SRPK2: variants seen among roughly 807,000 people sequenced by gnomAD.
The protein encoded by SRPK2 is SFRS protein kinase 2.
SRPK2 carries 21 observed loss-of-function variants against 90.8 expected under a neutral mutation model. That is an observed-to-expected ratio of 0.23 (90% confidence interval 0.16 to 0.33). The LOEUF is 0.33. Among genes scored for constraint, SRPK2 ranks in the 10% least tolerant of loss-of-function variants. The pLI is 1.00. For synonymous variants in SRPK2, 288 were observed against 311.1 expected, an observed-to-expected ratio of 0.93 and a Z score of 0.78; for missense variants, 620 against 869.0, an observed-to-expected ratio of 0.71 and a Z score of 3.60.
At chr7:105,298,766 G>A in intron 2 of SRPK2, 2 of 985,548 alleles carry the variant, frequency 2.0e-6, no homozygotes, top group Non-Finnish European at 2.4e-6. Context: ...CAGAGGCACA[G>A]GGCCCACTCC....
At chr7:105,364,561 T>C (rs1368938371) in intron 2 of SRPK2, among the ~76,000 whole-genome samples, 1 of 151,982 alleles carries the variant, frequency 6.6e-6, no homozygotes, top group Non-Finnish European at 1.5e-5. Context: ...CCATCATGCC[T>C]AGCTAATTTT....
chr7:105,336,806 GTTTT>G (rs2131812302), intron 2 of SRPK2, among the ~76,000 whole-genome samples: 1 of 152,192 alleles, frequency 6.6e-6, no homozygotes, highest in East Asian at 1.9e-4. Context: ...TTGAGTTTCT[GTTTT>G]TTGTTTTTTT....
chr7:105,280,667 G>GC lies in SRPK2; in HGVS notation c.72-76883dup, dbSNP rs1554494139. 1.1e-3 allele frequency among the ~76,000 whole-genome samples: 161 copies of GC among 141,418 alleles called. 3 individuals carry two copies. Among genetic ancestry groups the GC allele is most frequent in the African/African-American group, 4.3e-3 (156 of 36,340 alleles). The allele number at this position is 141,418 out of a possible 152,430, so 92.8% of individuals were successfully genotyped here. On this transcript the variant is annotated intron_variant, in intron 2 of 15. Transcript: ENST00000393651. The stretch of plus-strand genomic sequence containing the variant: ...AGTCATTAAAAAAAAGGGGGGGGGG[G>GC]CCGGGCACAGTGGCTCACCCCTGTA...
In SRPK2 at chr7:105,333,946, G is replaced by C. The variant is rs142240710; in HGVS notation, c.71+54702C>G. 1.4e-3 allele frequency among the ~76,000 whole-genome samples: 209 copies of C among 152,228 alleles called. 2 individuals are homozygous for C. The highest frequency in any genetic ancestry group is 3.8e-3 in the African/African-American group (156 of 41,554). On this transcript the variant is annotated intron_variant, in intron 2 of 15. Transcript: ENST00000393651. ...TGTTTTGTTTTGTTTTTTTGAGACA[G>C]AGTTTCGCTCTTGTTGCCCAGGCTG...
intron 2 of SRPK2, among the ~76,000 whole-genome samples, chr7:105,387,094 C>A (rs970246709): frequency 1.5e-4 from 23 of 152,128 alleles, no homozygotes; most frequent in Non-Finnish European, 3.2e-4. Flanking sequence ...TCCACATGTA[C>A]GTAAAGGTAA....
At chr7:105,300,973 T>A (rs963174602) in intron 2 of SRPK2, among the ~76,000 whole-genome samples, 1 of 152,106 alleles carries the variant, frequency 6.6e-6, no homozygotes, top group Non-Finnish European at 1.5e-5. Context: ...TCCTCAAGGA[T>A]CTAGAACTAG....
intron 3 of SRPK2, among the ~76,000 whole-genome samples, chr7:105,186,558 T>A (rs1793605472): frequency 6.6e-6 from 1 of 152,234 alleles, no homozygotes; most frequent in Admixed American, 6.5e-5. Context: ...TGATTTCTTG[T>A]TGCTGTATTC....
chr7:105,388,605 G>A, intron 2 of SRPK2, 43 bp downstream of exon 2: 1 of 1,516,432 alleles, frequency 6.6e-7, no homozygotes, highest in Non-Finnish European at 8.9e-7. Context: ...CGCCCCCGAC[G>A]GGGCGGGGGT....
rs371797928 is a variant in SRPK2 at position 105,375,431 on chromosome 7, C to CA, written c.71+13216dup. ...GCACACTGGCTCACACCTGTAATCC[C>CA]AACACTTTGGGGAGCCAAGGTGGGA... On this transcript the variant is annotated intron_variant, in intron 2 of 15. Coordinates refer to ENST00000393651, the MANE Select transcript of SRPK2 (RefSeq NM_182692.3). Among the ~76,000 whole-genome samples the CA allele has an allele frequency of 1.9e-3, 291 of 152,272 alleles. 2 individuals are homozygous for CA. Among genetic ancestry groups the CA allele is most frequent in the African/African-American group, 6.6e-3 (275 of 41,554 alleles).
At chr7:105,235,476 G>C (rs181366436) in intron 2 of SRPK2, among the ~76,000 whole-genome samples, 2 of 152,202 alleles carry the variant, frequency 1.3e-5, no homozygotes, top group Admixed American at 6.5e-5. Flanking sequence ...GTGTGTGTGT[G>C]TGTGTGCATG....
intron 2 of SRPK2, among the ~76,000 whole-genome samples, chr7:105,327,034 A>G (rs1257960866): frequency 6.6e-6 from 1 of 150,490 alleles, no homozygotes; most frequent in Admixed American, 6.7e-5. Context: ...CTGCACTCCA[A>G]CCAACCTGGG....
At chr7:105,309,417 G>T (rs760527309) in intron 2 of SRPK2, among the ~76,000 whole-genome samples, 37 of 152,094 alleles carry the variant, frequency 2.4e-4, no homozygotes, top group Non-Finnish European at 4.7e-4. Context: ...TCAGCTAAAG[G>T]CCTTGAAAAT....
At chr7:105,170,959 GAA>G (rs1418572722) in intron 3 of SRPK2, among the ~76,000 whole-genome samples, 15 of 33,620 alleles carry the variant, frequency 4.5e-4, no homozygotes, top group Admixed American at 3.2e-3. Flanking sequence ...AAGAAAGAAA[GAA>G]AGAAAGAGAA....
intron 2 of SRPK2, among the ~76,000 whole-genome samples, chr7:105,289,100 C>CAAAA (rs57131530): frequency 3.2e-4 from 28 of 86,562 alleles, no homozygotes; most frequent in Non-Finnish European, 4.3e-4. Context: ...ACTTAAAGCA[C>CAAAA]AAAAAAAAAA....
chr7:105,160,467 T>C (rs1807447963), intron 7 of SRPK2, 40 bp downstream of exon 7: 2 of 1,199,422 alleles, frequency 1.7e-6, no homozygotes, highest in East Asian at 4.7e-5. Flanking sequence ...GCCTAACCAA[T>C]TAGGTACTAG....
intron 2 of SRPK2, among the ~76,000 whole-genome samples, chr7:105,213,566 T>C (rs1486440972): frequency 6.6e-6 from 1 of 152,142 alleles, no homozygotes; most frequent in Non-Finnish European, 1.5e-5. Context: ...CCTACTATAA[T>C]TGCCAATATA....
At chr7:105,313,809 G>A (rs1025696690) in intron 2 of SRPK2, among the ~76,000 whole-genome samples, 5 of 151,522 alleles carry the variant, frequency 3.3e-5, no homozygotes, top group Non-Finnish European at 7.4e-5. Context: ...ATTGTCAGTG[G>A]GTGTATATAT....
intron 2 of SRPK2, among the ~76,000 whole-genome samples, chr7:105,263,091 C>A (rs915973266): frequency 6.6e-6 from 1 of 152,086 alleles, no homozygotes; most frequent in Non-Finnish European, 1.5e-5. Context: ...CTTTGGGAGG[C>A]TGAGGTGGGT....
At chr7:105,391,171 G>A (rs1822170741), upstream of SRPK2, among the ~76,000 whole-genome samples, 1 of 147,078 alleles carries the variant, frequency 6.8e-6, no homozygotes, top group South Asian at 2.2e-4. Context: ...ACACCTACTA[G>A]GATGACTATA....
Sources: allele counts gnomAD v4.1 joint callset (sites outside exome capture counted in the v4.1 genomes callset), GRCh38; gene constraint gnomAD v4.1.1; transcripts MANE v1.5; gene names NCBI Gene and HGNC (gene_info 2026-07-23, HGNC 2026-07-21).